RBMS1: variants seen among roughly 807,000 people sequenced by gnomAD.
RBMS1 encodes RNA binding motif single stranded interacting protein 1, also known as RNA-binding motif, single-stranded-interacting protein 1.
In RBMS1, 17 loss-of-function variants were observed where a neutral mutation model predicts 62.3. The observed-to-expected ratio is 0.27, with a 90% confidence interval of 0.19 to 0.41. The LOEUF (loss-of-function observed/expected upper bound fraction) is 0.41. Ranked by LOEUF, RBMS1 falls within the 10% of genes least tolerant of loss-of-function variation. RBMS1 has a pLI of 1.00. For synonymous variants in RBMS1, 172 were observed against 170.0 expected (o/e 1.01, Z -0.09); for missense variants, 334 against 504.5 (o/e 0.66, Z 3.24).
intron 1 of RBMS1, among the ~76,000 whole-genome samples, chr2:160,387,942 A>T (rs2105203884): frequency 6.6e-6 from 1 of 152,326 alleles, no homozygotes; most frequent in East Asian, 1.9e-4. Flanking sequence ...GCATGTCCAC[A>T]GGCTGACCTC....
At chr2:160,362,564 G>A (rs553470099) in intron 2 of RBMS1, among the ~76,000 whole-genome samples, 3 of 152,252 alleles carry the variant, frequency 2.0e-5, no homozygotes, top group South Asian at 4.1e-4. Flanking sequence ...TATTGATTAA[G>A]TCCTATATGG....
At chr2:160,376,617 T>A (rs1694014321) in intron 1 of RBMS1, among the ~76,000 whole-genome samples, 1 of 152,002 alleles carries the variant, frequency 6.6e-6, no homozygotes. Context: ...GTATTTCTTT[T>A]TTTTATTTTT....
intron 1 of RBMS1, among the ~76,000 whole-genome samples, chr2:160,413,294 T>C (rs1559523571): frequency 6.6e-6 from 1 of 151,894 alleles, no homozygotes; most frequent in Non-Finnish European, 1.5e-5. Context: ...CTTTTGAGAG[T>C]CTATGTATAA....
chr2:160,419,066 T>C (rs1358771507), intron 1 of RBMS1, among the ~76,000 whole-genome samples: 1 of 152,238 alleles, frequency 6.6e-6, no homozygotes, highest in Non-Finnish European at 1.5e-5. Flanking sequence ...TGAGTCACTG[T>C]TATCTTGGGT....
At chr2:160,418,490 A>C (rs1696291632) in intron 1 of RBMS1, among the ~76,000 whole-genome samples, 1 of 152,256 alleles carries the variant, frequency 6.6e-6, no homozygotes, top group African/African-American at 2.4e-5. Context: ...AAAGTGAATC[A>C]AAAGCAATAA....
At chr2:160,451,158 G>GA (rs71006607) in intron 1 of RBMS1, among the ~76,000 whole-genome samples, 289 of 128,032 alleles carry the variant, frequency 2.3e-3, no homozygotes, top group East Asian at 3.1e-3. Flanking sequence ...CCATGCTTCA[G>GA]AAAAAAAAAA....
chr2:160,314,503 A>G (rs1324641026), intron 3 of RBMS1, among the ~76,000 whole-genome samples: 7 of 152,208 alleles, frequency 4.6e-5, no homozygotes, highest in African/African-American at 1.4e-4. Flanking sequence ...GATACTAGTG[A>G]CAAAATCAAC....
chr2:160,307,802 C>A (rs574947971), intron 4 of RBMS1, among the ~76,000 whole-genome samples: 1 of 152,326 alleles, frequency 6.6e-6, no homozygotes, highest in East Asian at 1.9e-4. Flanking sequence ...AGGTACCAGA[C>A]AAAGCGCTGA....
Position 160,284,840 on chromosome 2 carries a change from T to C in RBMS1, c.835A>G (p.Thr279Ala), listed in dbSNP as rs1270590965. 9.9e-6 allele frequency: 16 copies of C among 1,609,094 alleles called. No individual in the cohort carries two copies. The highest frequency in any genetic ancestry group is 1.3e-5 in the African/African-American group (1 of 74,900). ...GAAGTTTGAGTGATCATTCGGTTTG[T>C]AGCAATACTGTATGGTGAAGGATAA... The part of the protein sequence containing the change: ...GFYPSPYSIA[T>A]NRMITQTSIT... Residue 279 changes from threonine to alanine, a missense_variant, in exon 9 of 14, where the codon ACA (threonine) becomes GCA (alanine). Physicochemically the swap from Thr to Ala is moderately conservative, Grantham distance 58. Around this residue, in one of 3 missense-constraint regions of RBMS1, gnomAD observed 182 missense variants for 257.7 expected, o/e 0.71. Transcript: ENST00000348849.
At chr2:160,453,089 TATGATG>T (rs34689714) in intron 1 of RBMS1, among the ~76,000 whole-genome samples, 9 of 138,996 alleles carry the variant, frequency 6.5e-5, no homozygotes, top group Admixed American at 2.1e-4. Flanking sequence ...TAACTACTGT[TATGATG>T]ATGATGATGA....
chr2:160,458,813 TCTCCAAAG>T, intron 1 of RBMS1, among the ~76,000 whole-genome samples: 1 of 142,718 alleles, frequency 7.0e-6, no homozygotes, highest in Non-Finnish European at 1.5e-5. Context: ...AAAAAAAAAA[TCTCCAAAG>T]TAACTTTTTA....
intron 1 of RBMS1, among the ~76,000 whole-genome samples, chr2:160,447,588 C>T (rs1683709430): frequency 6.6e-6 from 1 of 152,216 alleles, no homozygotes; most frequent in South Asian, 2.1e-4. Flanking sequence ...GTTTCTTTCC[C>T]CAGCTGAACT....
intron 6 of RBMS1, among the ~76,000 whole-genome samples, chr2:160,290,892 C>T (rs986415947): frequency 6.6e-6 from 1 of 152,210 alleles, no homozygotes; most frequent in Non-Finnish European, 1.5e-5. Context: ...TACTGACAAT[C>T]CTTCCTGAGA....
chr2:160,326,008 T>C (rs1690901535), intron 2 of RBMS1, among the ~76,000 whole-genome samples: 1 of 152,192 alleles, frequency 6.6e-6, no homozygotes, highest in Non-Finnish European at 1.5e-5. Context: ...AGCTGCCCCT[T>C]CCACTTGTGT....
chr2:160,443,211 CAAA>C (rs67505228), intron 1 of RBMS1, among the ~76,000 whole-genome samples: 1 of 133,252 alleles, frequency 7.5e-6, no homozygotes. Flanking sequence ...CTTAAGAAAA[CAAA>C]AAAAAAAACA....
chr2:160,292,473 TG>T (rs1688733604), intron 6 of RBMS1, among the ~76,000 whole-genome samples: 1 of 152,180 alleles, frequency 6.6e-6, no homozygotes, highest in African/African-American at 2.4e-5. Context: ...TCTAAACACT[TG>T]GGGACTGGCC....
intron 1 of RBMS1, among the ~76,000 whole-genome samples, chr2:160,406,173 A>G (rs915524573): frequency 1.3e-5 from 2 of 152,250 alleles, no homozygotes; most frequent in South Asian, 4.1e-4. Context: ...AAGGGCACAC[A>G]GACCACGGTG....
intron 12 of RBMS1, chr2:160,276,717 G>A (rs1235806439): frequency 6.6e-6 from 1 of 152,106 alleles, no homozygotes; most frequent in African/African-American, 2.4e-5. Flanking sequence ...TTTCCACTAA[G>A]TATCTTAACT....
At chr2:160,350,828 C>CT (rs1692452673) in intron 2 of RBMS1, among the ~76,000 whole-genome samples, 1 of 152,108 alleles carries the variant, frequency 6.6e-6, no homozygotes, top group African/African-American at 2.4e-5. Context: ...GTGCATGTGT[C>CT]TTTATAGCAG....
Sources: gnomAD v4.1 joint callset for allele counts (sites outside exome capture counted in the v4.1 genomes callset) on GRCh38, gnomAD v4.1.1 for gene constraint, gnomAD v4.1.1 regional missense constraint, MANE v1.5 for transcripts, NCBI Gene and HGNC (gene_info 2026-07-23, HGNC 2026-07-21) for gene names.